Variants in HIGD1B observed in about 807,000 individuals in gnomAD.
HIGD1B encodes HIG1 domain family member 1B.
In HIGD1B, 9 loss-of-function variants were observed where a neutral mutation model predicts 8.8. That is an observed-to-expected ratio of 1.02 (90% CI 0.62 to 1.78). The LOEUF (loss-of-function observed/expected upper bound fraction) is 1.78. Ranked by LOEUF, HIGD1B falls within the 40% of genes most tolerant of loss-of-function variation. The pLI, the probability that HIGD1B is intolerant of heterozygous loss-of-function variation, is 0.00. For synonymous variants in HIGD1B, 47 were observed against 38.8 expected (o/e 1.21, Z -0.78); for missense variants, 126 against 111.8 (o/e 1.13, Z -0.57).
chr17:44,846,595 A>T (rs143109173), upstream of HIGD1B, among the ~76,000 whole-genome samples: 5 of 152,090 alleles, frequency 3.3e-5, no homozygotes, highest in African/African-American at 1.2e-4. Flanking sequence ...CCAGGAGTTC[A>T]AGATTGGCTG....
chr17:44,845,757 C>A (rs2050317445), upstream of HIGD1B, among the ~76,000 whole-genome samples: 1 of 152,082 alleles, frequency 6.6e-6, no homozygotes, highest in African/African-American at 2.4e-5. Flanking sequence ...CATGGTGAAA[C>A]CCCGCCTCTA....
chr17:44,849,476 G>A, intron 2 of HIGD1B, 88 bp downstream of exon 2: 5 of 1,504,916 alleles, frequency 3.3e-6, no homozygotes, highest in Non-Finnish European at 4.5e-6. Flanking sequence ...AAAGGACTGT[G>A]CTTGGCTGGG....
rs12602399 is a variant in HIGD1B at position 44,848,375 on chromosome 17, A to C, written c.100+123A>C. 5,383 of 638,280 alleles carry C rather than the reference A, an allele frequency of 8.4e-3. 159 individuals are homozygous for C. The highest frequency in any genetic ancestry group is 0.062 in the East Asian group (2,259 of 36,706). 39.5% of individuals were successfully genotyped at this position (638,280 alleles called of 1,614,324 possible). A position where few individuals can be genotyped will look rare whatever the true frequency, so the allele number is the denominator to read the frequency against. On this transcript the variant is annotated intron_variant, in intron 1 of 2. Coordinates refer to ENST00000253410, the MANE Select transcript of HIGD1B (RefSeq NM_016438.4). ...AGTGGTCCTACTCACGGAACAAGGG[A>C]AACAACAGCAAAGGTGCCAAGGGGC... is the stretch of plus-strand genomic sequence containing the variant.
chr17:44,848,356 C>G, intron 1 of HIGD1B, 104 bp downstream of exon 1: 1 of 694,102 alleles, frequency 1.4e-6, no homozygotes, highest in Non-Finnish European at 2.6e-6. Context: ...CTCAAGTGGT[C>G]CTACTCACGG....
chr17:44,847,230 G>A (rs553817524), upstream of HIGD1B, among the ~76,000 whole-genome samples: 3 of 151,588 alleles, frequency 2.0e-5, no homozygotes, highest in South Asian at 6.3e-4. Context: ...TCAGGAGATC[G>A]AGACCATCCT....
At chr17:44,847,357 C>T (rs556597191), upstream of HIGD1B, among the ~76,000 whole-genome samples, 3 of 152,050 alleles carry the variant, frequency 2.0e-5, no homozygotes, top group Admixed American at 6.5e-5. Context: ...GGCGTGAACC[C>T]GGGAAGCGGA....
chr17:44,849,427 C>A (rs370572140), intron 2 of HIGD1B, 39 bp downstream of exon 2: 1 of 1,611,312 alleles, frequency 6.2e-7, no homozygotes, highest in Non-Finnish European at 8.5e-7. Context: ...AGGGCAAAAC[C>A]GATTATGCAG....
At chr17:44,849,190 T>A in intron 1 of HIGD1B, 64 bp from the exon 2 acceptor site, 1 of 1,578,164 alleles carries the variant, frequency 6.3e-7, no homozygotes, top group South Asian at 1.1e-5. Flanking sequence ...TGGTAAGGTA[T>A]CTCTCATCAG....
At chr17:44,846,739 A>C (rs1341955836), upstream of HIGD1B, among the ~76,000 whole-genome samples, 1 of 150,910 alleles carries the variant, frequency 6.6e-6, no homozygotes, top group Non-Finnish European at 1.5e-5. Context: ...GCTTGCAGGG[A>C]TTGACACTGC....
chr17:44,849,761 A>C, intron 2 of HIGD1B, among the ~76,000 whole-genome samples: 1 of 112,804 alleles, frequency 8.9e-6, no homozygotes, highest in Non-Finnish European at 1.9e-5. Context: ...TCTGTCTCAA[A>C]AAAAAAAAAA....
upstream of HIGD1B, among the ~76,000 whole-genome samples, chr17:44,845,027 G>A (rs759351224): frequency 6.6e-5 from 10 of 151,626 alleles, no homozygotes; most frequent in Non-Finnish European, 1.5e-4. Flanking sequence ...GGAGGCCGAG[G>A]TGGGCGGATC....
chr17:44,849,702 G>A (rs1456447244), intron 2 of HIGD1B, among the ~76,000 whole-genome samples: 1 of 147,984 alleles, frequency 6.8e-6, no homozygotes, highest in African/African-American at 2.5e-5. Flanking sequence ...GGAGGCTACA[G>A]TGGGCTGAGA....
At chr17:44,846,989 T>C (rs1007219917), upstream of HIGD1B, among the ~76,000 whole-genome samples, 9 of 150,214 alleles carry the variant, frequency 6.0e-5, no homozygotes, top group African/African-American at 1.7e-4. Flanking sequence ...TACAAAAAAT[T>C]AGCTGGGCAT....
chr17:44,849,145 T>G, intron 1 of HIGD1B, 109 bp from the exon 2 acceptor site: 6 of 1,152,854 alleles, frequency 5.2e-6, no homozygotes, highest in Non-Finnish European at 4.9e-6. Context: ...AGATGCTGCA[T>G]AAAACCAGCT....
intron 2 of HIGD1B, chr17:44,850,013 A>C (rs914362502): frequency 1.1e-5 from 3 of 273,384 alleles, no homozygotes; most frequent in African/African-American, 6.4e-5. Flanking sequence ...GACAGTGGAC[A>C]AATCTTTCTC....
chr17:44,847,905 G>C lies in HIGD1B; in HGVS notation c.-248G>C, dbSNP rs1360473159. 7.4e-6 allele frequency: 3 copies of C among 405,504 alleles called. No homozygotes were observed. Among genetic ancestry groups the C allele is most frequent in the East Asian group, 4.9e-5 (1 of 20,520 alleles). The allele number at this position is 405,504 out of a possible 1,614,324, so 25.1% of individuals were successfully genotyped here. On this transcript the variant is annotated 5_prime_UTR_variant, in exon 1 of 3. Transcript: ENST00000253410. ...AGCAGTGAAGACAGAATGAGCTGGG[G>C]AAGAGGCAGATGGTAGGAAATGGAG... is the stretch of plus-strand genomic sequence containing the variant.
chr17:44,846,186 T>C (rs1254081966), upstream of HIGD1B, among the ~76,000 whole-genome samples: 1 of 152,154 alleles, frequency 6.6e-6, no homozygotes, highest in Non-Finnish European at 1.5e-5. Context: ...CCATTTGGTC[T>C]TTCCTTACTT....
At position 44,850,391 on chromosome 17, in the gene HIGD1B, AAGT is replaced by A. The variant is rs781494682; in HGVS notation, c.298_300del (p.Ter100delextTer19). 2 of 1,611,860 alleles carry A rather than the reference AAGT, an allele frequency of 1.2e-6. No individual in the cohort carries two copies. The highest frequency in any genetic ancestry group is 1.7e-6 in the Non-Finnish European group (2 of 1,178,480). The stretch of plus-strand genomic sequence containing the variant: ...GAGGATGGCACAGGATGCTGGAGAG[AAGT>A]AGGACTCCTATAGGAGCCGGGGCTG... On this transcript the variant is annotated stop_lost and inframe_deletion, in exon 3 of 3. Transcript: ENST00000253410.
chr17:44,849,104 A>G, intron 1 of HIGD1B, 150 bp from the exon 2 acceptor site: 2 of 779,620 alleles, frequency 2.6e-6, no homozygotes, highest in African/African-American at 1.8e-5. Context: ...TGATCCCCCT[A>G]GGTCCCCCGC....
Sources: gnomAD v4.1 joint callset for allele counts (sites outside exome capture counted in the v4.1 genomes callset) on GRCh38, gnomAD v4.1.1 for gene constraint, MANE v1.5 for transcripts, NCBI Gene and HGNC (gene_info 2026-07-23, HGNC 2026-07-21) for gene names.